Variants in EIF2B3 observed in about 807,000 individuals in gnomAD.
The protein encoded by EIF2B3 is translation initiation factor eIF2B subunit gamma.
EIF2B3 carries 20 observed loss-of-function variants against 54.1 expected under a neutral mutation model. The observed-to-expected ratio is 0.37, with a 90% CI of 0.26 to 0.54. The LOEUF (loss-of-function observed/expected upper bound fraction) is 0.54. EIF2B3 is among the 20% of genes least tolerant of loss of function. The probability of loss-of-function intolerance (pLI) is 0.86; values close to 1 mark genes in which losing one functional copy is unlikely to be tolerated. For missense variants in EIF2B3, 448 were observed against 547.8 expected, an observed-to-expected ratio of 0.82 and a Z score of 1.82; for synonymous variants, 153 against 188.1, an observed-to-expected ratio of 0.81 and a Z score of 1.52.
At chr1:44,892,747 G>C (rs1403084852) in intron 6 of EIF2B3, among the ~76,000 whole-genome samples, 1 of 152,220 alleles carries the variant, frequency 6.6e-6, no homozygotes, top group African/African-American at 2.4e-5. Context: ...GGCAGCACCT[G>C]CATCTTCAGA....
In EIF2B3 at chr1:44,857,794, C is replaced by T; in HGVS notation, c.1216G>A (p.Gly406Ser). The T allele has an allele frequency of 6.2e-7, 1 of 1,614,080 alleles. No homozygotes were observed. Among genetic ancestry groups the T allele is most frequent in the Non-Finnish European group, 8.5e-7 (1 of 1,179,972 alleles). ...ACAGCATTGTTGCAGATGACACTGC[C>T]TTGGATATTGCTTCTGTAACACAGT... ...VTVEEGSNIQ[G>S]SVICNNAVIE... is the part of the protein sequence containing the mutation. Residue 406 changes from glycine to serine, a missense_variant, in exon 11 of 12, where the codon GGC (glycine) becomes AGC (serine). Physicochemically the swap from Gly to Ser is moderately conservative, Grantham distance 56 (BLOSUM62 0). This residue lies in a region of EIF2B3 where 350 missense variants were observed against 414.2 expected (regional missense o/e 0.85). Coordinates refer to ENST00000360403, the MANE Select transcript of EIF2B3 (RefSeq NM_020365.5).
At chr1:44,933,356 T>A (rs1643913624) in intron 4 of EIF2B3, among the ~76,000 whole-genome samples, 1 of 152,192 alleles carries the variant, frequency 6.6e-6, no homozygotes, top group Admixed American at 6.5e-5. Flanking sequence ...CAAGGTTGCA[T>A]ACATGTAGTG....
intron 5 of EIF2B3, among the ~76,000 whole-genome samples, chr1:44,919,882 A>ATTTTTTTTTTTTTT (rs1643701790): frequency 4.7e-5 from 5 of 106,480 alleles, no homozygotes; most frequent in Non-Finnish European, 8.4e-5. Context: ...ATGCCTGGCT[A>ATTTTTTTTTTTTTT]CTTTTTTTTT....
chr1:44,930,175 C>T (rs1553175544), intron 4 of EIF2B3, among the ~76,000 whole-genome samples: 1 of 152,246 alleles, frequency 6.6e-6, no homozygotes. Context: ...TTCATTCATT[C>T]TACCAATAAA....
chr1:44,872,685 T>G (rs1655003574), intron 10 of EIF2B3, among the ~76,000 whole-genome samples: 1 of 151,622 alleles, frequency 6.6e-6, no homozygotes, highest in South Asian at 2.1e-4. Flanking sequence ...CCAAAACCAC[T>G]CCTTTCTCCA....
chr1:44,903,899 C>T (rs1020878793), intron 5 of EIF2B3, among the ~76,000 whole-genome samples: 1 of 152,092 alleles, frequency 6.6e-6, no homozygotes, highest in Non-Finnish European at 1.5e-5. Flanking sequence ...CATGGCAAAA[C>T]CCCATCTCTA....
chr1:44,868,630 C>T (rs566489073), intron 10 of EIF2B3, among the ~76,000 whole-genome samples: 90 of 151,950 alleles, frequency 5.9e-4, no homozygotes, highest in Middle Eastern at 3.4e-3. Context: ...CCACTGTGTC[C>T]GGCCCTGCCC....
chr1:44,864,577 T>C (rs1433403213), intron 10 of EIF2B3, among the ~76,000 whole-genome samples: 1 of 152,092 alleles, frequency 6.6e-6, no homozygotes, highest in African/African-American at 2.4e-5. Context: ...AGAATTCTTT[T>C]AACAATTATG....
At chr1:44,964,467 A>C (rs1289181744) in intron 3 of EIF2B3, among the ~76,000 whole-genome samples, 1 of 152,264 alleles carries the variant, frequency 6.6e-6, no homozygotes, top group Non-Finnish European at 1.5e-5. Flanking sequence ...AAAAGACATC[A>C]AACACTCAAC....
intron 1 of EIF2B3, among the ~76,000 whole-genome samples, chr1:44,984,795 A>ATTTTTTTTTTTT (rs1557718636): frequency 5.0e-5 from 4 of 80,442 alleles, no homozygotes; most frequent in African/African-American, 1.7e-4. Context: ...AATAATGTCC[A>ATTTTTTTTTTTT]TCTTTTTTTT....
intron 4 of EIF2B3, among the ~76,000 whole-genome samples, chr1:44,928,005 T>C (rs1423094690): frequency 6.6e-6 from 1 of 150,658 alleles, no homozygotes; most frequent in Non-Finnish European, 1.5e-5. Context: ...CTACAAATAA[T>C]AAAAAAATTA....
intron 8 of EIF2B3, among the ~76,000 whole-genome samples, chr1:44,876,659 G>T (rs1183220747): frequency 8.8e-6 from 1 of 113,634 alleles, no homozygotes; most frequent in Non-Finnish European, 1.7e-5. Context: ...GAAGTGAGGA[G>T]CCCCTCTGCC....
intron 5 of EIF2B3, among the ~76,000 whole-genome samples, chr1:44,905,748 C>T (rs1173905290): frequency 6.6e-6 from 1 of 152,044 alleles, no homozygotes; most frequent in South Asian, 2.1e-4. Context: ...TAATTACATA[C>T]AAAAATACCT....
intron 6 of EIF2B3, among the ~76,000 whole-genome samples, chr1:44,885,582 T>A (rs1655548428): frequency 6.6e-6 from 1 of 152,184 alleles, no homozygotes; most frequent in Non-Finnish European, 1.5e-5. Flanking sequence ...AATATATTAC[T>A]CAGTAAATAT....
intron 3 of EIF2B3, among the ~76,000 whole-genome samples, chr1:44,968,372 GA>G (rs35847625): frequency 0.01 from 1,229 of 117,968 alleles, 16 homozygotes; most frequent in African/African-American, 0.031. Context: ...TTAAAAAAAG[GA>G]AAAAAAAAAA....
chr1:44,869,194 A>G (rs1476541756), intron 10 of EIF2B3, among the ~76,000 whole-genome samples: 1 of 152,118 alleles, frequency 6.6e-6, no homozygotes, highest in East Asian at 1.9e-4. Flanking sequence ...AATGCTTTAT[A>G]TGGCCGGGCA....
At chr1:44,901,859 C>A (rs1643312726) in intron 5 of EIF2B3, among the ~76,000 whole-genome samples, 1 of 151,968 alleles carries the variant, frequency 6.6e-6, no homozygotes, top group East Asian at 1.9e-4. Context: ...TGCACCCGGC[C>A]CTCATTTTCT....
At chr1:44,916,988 C>T (rs1643636330) in intron 5 of EIF2B3, among the ~76,000 whole-genome samples, 1 of 151,870 alleles carries the variant, frequency 6.6e-6, no homozygotes, top group African/African-American at 2.4e-5. Flanking sequence ...TCTCGAGTTC[C>T]ACTTGCTTTC....
In EIF2B3 at chr1:44,881,441, T is replaced by G. The variant is rs1460767426; in HGVS notation, c.784+171A>C. ...CGAGAGCACAGTGGCAGAATCTGCC[T>G]GAGCAAGCTTACCCAGAGCTCAGTG... is the stretch of plus-strand genomic sequence containing the variant. On this transcript the variant is annotated intron_variant, in intron 7 of 11. Coordinates refer to ENST00000360403, the MANE Select transcript of EIF2B3 (RefSeq NM_020365.5). The surrounding 1 kb of genome is among the most constrained non-coding windows in gnomAD (Gnocchi z 4.0). Among the ~76,000 whole-genome samples, 1 of 152,210 alleles carries G rather than the reference T, an allele frequency of 6.6e-6. No individual in the cohort carries two copies. The highest frequency in any genetic ancestry group is 1.5e-5 in the Non-Finnish European group (1 of 68,044).
Sources: gnomAD v4.1 joint callset for allele counts (sites outside exome capture counted in the v4.1 genomes callset) on GRCh38, gnomAD v4.1.1 for gene constraint, gnomAD v4.1.1 regional missense constraint, Gnocchi (gnomAD v3.1) non-coding constraint, MANE v1.5 for transcripts, NCBI Gene and HGNC (gene_info 2026-07-23, HGNC 2026-07-21) for gene names.